VPS13B: variants seen among roughly 807,000 people sequenced by gnomAD.
VPS13B encodes the protein vacuolar protein sorting 13 homolog B.
A neutral mutation model predicts 426.4 loss-of-function variants in VPS13B; 285 were observed. The ratio of observed to expected loss-of-function variants is 0.67; its 90% CI spans 0.61 to 0.74. The LOEUF (loss-of-function observed/expected upper bound fraction) is 0.74. VPS13B is among the 30% of genes least tolerant of loss of function. The pLI is 0.00. For synonymous variants in VPS13B, 1,676 were observed against 1,676.4 expected, an observed-to-expected ratio of 1.00 and a Z score of 0.01; for missense variants, 4,537 against 4,782.6, an observed-to-expected ratio of 0.95 and a Z score of 1.51.
intron 21 of VPS13B, among the ~76,000 whole-genome samples, chr8:99,408,647 T>C (rs1332077184): frequency 6.6e-6 from 1 of 152,166 alleles, no homozygotes; most frequent in Non-Finnish European, 1.5e-5. Context: ...ATAAATAGTC[T>C]GGAGCTTACA....
chr8:99,817,293 C>T (rs1471942233), intron 44 of VPS13B, among the ~76,000 whole-genome samples: 1 of 151,910 alleles, frequency 6.6e-6, no homozygotes, highest in African/African-American at 2.4e-5. Context: ...CTGGCCAGCA[C>T]CTGAGCAGCA....
intron 35 of VPS13B, among the ~76,000 whole-genome samples, chr8:99,695,393 T>C (rs1831920026): frequency 6.6e-6 from 1 of 150,512 alleles, no homozygotes; most frequent in African/African-American, 2.5e-5. Flanking sequence ...TTCATGTCCT[T>C]TGTAGGGACA....
intron 14 of VPS13B, among the ~76,000 whole-genome samples, chr8:99,154,159 G>GT (rs375134323): frequency 0.083 from 11,311 of 136,154 alleles, 568 homozygotes; most frequent in African/African-American, 0.15. Context: ...GGTTTTTTTT[G>GT]TTTTTTTTTT....
chr8:99,101,217 C>T (rs940752062), intron 4 of VPS13B, among the ~76,000 whole-genome samples: 12 of 152,220 alleles, frequency 7.9e-5, no homozygotes, highest in South Asian at 4.1e-4. Flanking sequence ...CTGCAAGCTC[C>T]GCCTCCTGGG....
chr8:99,431,815 C>A, intron 22 of VPS13B, 151 bp downstream of exon 22: 1 of 809,186 alleles, frequency 1.2e-6, no homozygotes, highest in Non-Finnish European at 1.9e-6. Flanking sequence ...TGGTGTACTT[C>A]ACTTATCCTA....
At chr8:99,589,842 T>C (rs151303126) in intron 33 of VPS13B, among the ~76,000 whole-genome samples, 5,315 of 152,174 alleles carry the variant, frequency 0.035, 306 homozygotes, top group African/African-American at 0.12. Flanking sequence ...CAGGATGATG[T>C]TGGCCTCATA....
intron 35 of VPS13B, among the ~76,000 whole-genome samples, chr8:99,663,455 G>A (rs530685420): frequency 8.5e-5 from 13 of 152,318 alleles, no homozygotes; most frequent in African/African-American, 2.6e-4. Context: ...CCTTTGGAGT[G>A]AGGTAATAGA....
chr8:99,854,214 G>C lies in VPS13B; in HGVS notation c.10825G>C (p.Ala3609Pro). 1.9e-6 allele frequency: 3 copies of C among 1,614,080 alleles called. No homozygotes were observed. Among genetic ancestry groups the C allele is most frequent in the Non-Finnish European group, 2.5e-6 (3 of 1,180,036 alleles). Reference sequence around the variant, plus strand: ...CACCACTGCGAGGCAGCTTGTGCACGCCCTGGCAATGCACTATGCCGCTGG... The same window carrying C: ...CACCACTGCGAGGCAGCTTGTGCACCCCCTGGCAATGCACTATGCCGCTGG... ...IFTTARQLVH[A>P]LAMHYAAGAL... The change falls in exon 56 of 62, where the codon GCC (alanine) becomes CCC (proline). Residue 3609 changes from alanine to proline, a missense_variant. Around this residue, in one of 2 missense-constraint regions of VPS13B, gnomAD observed 4,311 missense variants for 4,474.3 expected, o/e 0.96. Transcript: ENST00000357162.
At chr8:99,251,891 A>G (rs557320920) in intron 17 of VPS13B, among the ~76,000 whole-genome samples, 2 of 152,050 alleles carry the variant, frequency 1.3e-5, no homozygotes, top group Admixed American at 1.3e-4. Flanking sequence ...TTTCAAAATT[A>G]ATCTTTTGAT....
intron 33 of VPS13B, among the ~76,000 whole-genome samples, chr8:99,593,746 T>G (rs951182188): frequency 2.0e-5 from 3 of 152,114 alleles, no homozygotes; most frequent in Non-Finnish European, 4.4e-5. Context: ...AACAAGATCG[T>G]GTACTGTGCA....
chr8:99,610,543 C>T (rs1237854917), intron 33 of VPS13B, among the ~76,000 whole-genome samples: 1 of 151,310 alleles, frequency 6.6e-6, no homozygotes. Context: ...ACAATGAGAA[C>T]ACATGGACTC....
chr8:99,325,654 A>G (rs1810214540), intron 19 of VPS13B, among the ~76,000 whole-genome samples: 1 of 152,134 alleles, frequency 6.6e-6, no homozygotes, highest in South Asian at 2.1e-4. Flanking sequence ...GAGAGTTATT[A>G]TTTAGTTCCC....
chr8:99,132,533 T>C lies in VPS13B; in HGVS notation c.1207-2099T>C, dbSNP rs188217646. On this transcript the variant is annotated intron_variant, in intron 8 of 61. Coordinates refer to ENST00000357162, the MANE Select transcript of VPS13B (RefSeq NM_152564.5). ...GACCTCTTTCTATGAATCACAAATG[T>C]TCTTAATGGAATCTGGAATAGTAAA... 2.6e-5 allele frequency among the ~76,000 whole-genome samples: 4 copies of C among 152,296 alleles called. No homozygotes were observed. The East Asian group carries it at 7.7e-4, about 29-fold the overall frequency.
chr8:99,682,363 TTAAAAATTAGGCTATC>T (rs1831188344), intron 35 of VPS13B, among the ~76,000 whole-genome samples: 2 of 152,180 alleles, frequency 1.3e-5, no homozygotes, highest in Non-Finnish European at 2.9e-5. Context: ...CTTCTGAGAT[TTAAAAATTAGGCTATC>T]TAAAAATTAG....
At position 99,808,603 on chromosome 8, in the gene VPS13B, AATT is replaced by A. The variant is rs541347933; in HGVS notation, c.7942-762_7942-760del. Among the ~76,000 whole-genome samples, 9 of 152,112 alleles carry A rather than the reference AATT, an allele frequency of 5.9e-5. No homozygotes were observed. In the East Asian group the frequency reaches 1.7e-3, roughly 29 times the overall value. On this transcript the variant is annotated intron_variant, in intron 43 of 61. Coordinates refer to ENST00000357162, the MANE Select transcript of VPS13B (RefSeq NM_152564.5). Reference sequence around the variant, plus strand: ...TAAACCTGTTTCCTACAAAAGTACTAATTATTATTATTTTTTGGAATACTCATA... The same window carrying A: ...TAAACCTGTTTCCTACAAAAGTACTAATTATTATTTTTTGGAATACTCATA...
chr8:99,867,423 C>T (rs1361959787), intron 58 of VPS13B, among the ~76,000 whole-genome samples: 1 of 152,186 alleles, frequency 6.6e-6, no homozygotes, highest in Non-Finnish European at 1.5e-5. Context: ...GGGAGCAGAG[C>T]TCCAAGGGGT....
intron 7 of VPS13B, among the ~76,000 whole-genome samples, chr8:99,118,206 C>T (rs1284245566): frequency 2.0e-5 from 3 of 152,142 alleles, no homozygotes; most frequent in Non-Finnish European, 2.9e-5. Flanking sequence ...ACAGACTTAT[C>T]ATCTGGAGTC....
chr8:99,214,031 T>C (rs1563607458), intron 17 of VPS13B, among the ~76,000 whole-genome samples: 1 of 152,188 alleles, frequency 6.6e-6, no homozygotes, highest in Non-Finnish European at 1.5e-5. Flanking sequence ...TTTAAAAAGT[T>C]ATTATTCATT....
intron 44 of VPS13B, among the ~76,000 whole-genome samples, chr8:99,813,265 G>A (rs1319180617): frequency 6.6e-6 from 1 of 152,082 alleles, no homozygotes; most frequent in African/African-American, 2.4e-5. Flanking sequence ...AGTTGAAAAT[G>A]AGACTATAAA....
Sources: allele counts gnomAD v4.1 joint callset (sites outside exome capture counted in the v4.1 genomes callset), GRCh38; gene constraint gnomAD v4.1.1; regional missense constraint gnomAD v4.1.1; transcripts MANE v1.5; gene names NCBI Gene and HGNC (gene_info 2026-07-23, HGNC 2026-07-21).